The following CFAP44 variants were observed in gnomAD, a reference collection of about 807,000 sequenced individuals.
The protein encoded by CFAP44 is cilia- and flagella-associated protein 44.
In CFAP44, 134 loss-of-function variants were observed where a neutral mutation model predicts 216.2. That is an observed-to-expected ratio of 0.62 (90% CI 0.54 to 0.72). The LOEUF is 0.72. Ranked by LOEUF, CFAP44 falls within the 30% of genes least tolerant of loss-of-function variation. The pLI is 0.00. For synonymous variants in CFAP44, 700 were observed against 727.6 expected, an observed-to-expected ratio of 0.96 and a Z score of 0.61; for missense variants, 2,035 against 2,182.1, an observed-to-expected ratio of 0.93 and a Z score of 1.34.
chr3:113,374,362 C>T (rs1240166851), intron 17 of CFAP44, among the ~76,000 whole-genome samples: 1 of 116,260 alleles, frequency 8.6e-6, no homozygotes, highest in African/African-American at 3.6e-5. Context: ...CTGTCAATTT[C>T]TTTTATTTAT....
intron 15 of CFAP44, among the ~76,000 whole-genome samples, chr3:113,390,581 T>A (rs1330989066): frequency 6.6e-6 from 1 of 152,132 alleles, no homozygotes; most frequent in Non-Finnish European, 1.5e-5. Context: ...TATATGATCT[T>A]ATATTTGGTA....
At chr3:113,435,858 C>CGT (rs59468932) in intron 1 of CFAP44, among the ~76,000 whole-genome samples, 2,832 of 147,838 alleles carry the variant, frequency 0.019, 64 homozygotes, top group Admixed American at 0.048. Flanking sequence ...AGTGTATGTA[C>CGT]GTGTGTGTGT....
At position 113,296,964 on chromosome 3, in the gene CFAP44, TA is replaced by T. The variant is rs1415634611; in HGVS notation, c.5078-80del. 3 of 1,456,704 alleles carry T rather than the reference TA, an allele frequency of 2.1e-6. No individual in the cohort carries two copies. In the African/African-American group the frequency reaches 4.2e-5, roughly 20 times the overall value. 90.2% of individuals were successfully genotyped at this position (1,456,704 alleles called of 1,614,324 possible). ...ATGAACACCAGGAACAATAACATTC[TA>T]AGGAACTGCTTTTGCAAGATGATGA... On this transcript the variant is annotated intron_variant, in intron 32 of 34. Coordinates refer to ENST00000393845, the MANE Select transcript of CFAP44 (RefSeq NM_001164496.2).
intron 32 of CFAP44, among the ~76,000 whole-genome samples, chr3:113,303,196 T>C (rs572861315): frequency 6.6e-6 from 1 of 152,296 alleles, no homozygotes; most frequent in Admixed American, 6.5e-5. Context: ...GAGCTGAAAA[T>C]GTACATATCC....
At chr3:113,384,039 T>C (rs1933583630) in intron 15 of CFAP44, among the ~76,000 whole-genome samples, 1 of 151,966 alleles carries the variant, frequency 6.6e-6, no homozygotes, top group Non-Finnish European at 1.5e-5. Context: ...CTGAGAATGA[T>C]GATTTCCAAA....
In CFAP44 at chr3:113,304,042, G is replaced by A. The variant is rs185086524; in HGVS notation, c.4951C>T (p.Arg1651Trp). The A allele has an allele frequency of 2.8e-3, 4,306 of 1,537,208 alleles. 6 individuals carry two copies. The highest frequency in any genetic ancestry group is 3.2e-3 in the Non-Finnish European group (3,620 of 1,146,916). The change falls in exon 32 of 35, where the codon CGG (arginine) becomes TGG (tryptophan). Residue 1651 changes from arginine to tryptophan, a missense_variant. Around this residue, in one of 3 missense-constraint regions of CFAP44, gnomAD observed 1,883 missense variants for 2,023.7 expected, o/e 0.93. Coordinates refer to ENST00000393845, the MANE Select transcript of CFAP44 (RefSeq NM_001164496.2). ...AGCTCATGGATTCGTTCTTGCAGCC[G>A]TCTCAAGGCATGGTTAGAGAAGACC... is the stretch of plus-strand genomic sequence containing the variant. ...TLVFSNHALR[R>W]LQERIHELQE...
chr3:113,348,481 C>T (rs1950410727), intron 22 of CFAP44, among the ~76,000 whole-genome samples: 1 of 152,160 alleles, frequency 6.6e-6, no homozygotes, highest in Admixed American at 6.5e-5. Context: ...AGTGAAATAC[C>T]TTATCTCCAA....
At chr3:113,389,054 C>T (rs910675420) in intron 15 of CFAP44, among the ~76,000 whole-genome samples, 1 of 152,140 alleles carries the variant, frequency 6.6e-6, no homozygotes, top group Non-Finnish European at 1.5e-5. Context: ...AACTTTTTAT[C>T]CAATGGCTGC....
intron 13 of CFAP44, chr3:113,397,319 T>C (rs374868241): frequency 2.0e-5 from 3 of 152,912 alleles, no homozygotes; most frequent in South Asian, 4.1e-4. Context: ...GAAAAAGTTA[T>C]AGTCTGACTA....
intron 19 of CFAP44, among the ~76,000 whole-genome samples, chr3:113,365,113 C>T (rs1280447296): frequency 6.6e-6 from 1 of 152,072 alleles, no homozygotes; most frequent in Admixed American, 6.5e-5. Context: ...GTGGAATAAA[C>T]ATTTTTCTAT....
chr3:113,312,908 T>C lies in CFAP44; in HGVS notation c.4517-4640A>G, dbSNP rs573421624. 3.3e-5 allele frequency among the ~76,000 whole-genome samples: 5 copies of C among 152,226 alleles called. No individual in the cohort carries two copies. In the South Asian group the frequency reaches 1.0e-3, roughly 32 times the overall value. ...AAATGCCTGGATACCCAGGCAGAAG[T>C]TTGCTGCAGGGGTGGGGCACTCATG... On this transcript the variant is annotated intron_variant, in intron 28 of 34. Transcript: ENST00000393845.
intron 28 of CFAP44, among the ~76,000 whole-genome samples, chr3:113,323,084 A>G (rs1232998438): frequency 2.0e-5 from 3 of 152,332 alleles, no homozygotes; most frequent in Non-Finnish European, 4.4e-5. Flanking sequence ...CCATGATTCA[A>G]TTACCTCCAA....
chr3:113,417,436 C>G (rs1371839309), intron 5 of CFAP44: 2 of 151,778 alleles, frequency 1.3e-5, no homozygotes, highest in East Asian at 3.9e-4. Flanking sequence ...TATTGGTAAG[C>G]CAAATGTGTA....
rs1210492710 is a variant in CFAP44, at chr3:113,330,565, T to G, written c.3719A>C (p.Asn1240Thr). The G allele has an allele frequency of 6.5e-7, 1 of 1,537,116 alleles. No individual in the cohort carries two copies. Among genetic ancestry groups the G allele is most frequent in the Non-Finnish European group, 8.7e-7 (1 of 1,146,874 alleles). The stretch of plus-strand genomic sequence containing the variant: ...GGATATGTGAAGAGTCGACTGAATG[T>G]TCTTCAGTTCTTGTACCAGGCACTG... ...EIQCLVQELK[N>T]IQSTLHISKH... The change falls in exon 26 of 35, where the codon AAC (asparagine) becomes ACC (threonine). Residue 1240 changes from asparagine to threonine, a missense_variant. Asn to Thr is a moderately conservative substitution (Grantham distance 65). Transcript: ENST00000393845.
intron 15 of CFAP44, among the ~76,000 whole-genome samples, chr3:113,388,758 A>C (rs1345208650): frequency 6.6e-6 from 1 of 152,252 alleles, no homozygotes; most frequent in African/African-American, 2.4e-5. Flanking sequence ...ACATCAGACA[A>C]AAATAGATTT....
chr3:113,420,904 T>C (rs1385497801), intron 4 of CFAP44, among the ~76,000 whole-genome samples: 2 of 152,148 alleles, frequency 1.3e-5, no homozygotes, highest in African/African-American at 4.8e-5. Context: ...TTAGTATATG[T>C]ATTGGTGTGT....
intron 34 of CFAP44, among the ~76,000 whole-genome samples, chr3:113,292,782 C>T (rs1268782615): frequency 1.3e-5 from 2 of 152,266 alleles, no homozygotes; most frequent in African/African-American, 2.4e-5. Flanking sequence ...TCTGCCTCTT[C>T]TCCCTTGCTC....
chr3:113,434,384 G>A (rs1935185834), intron 1 of CFAP44: 1 of 152,180 alleles, frequency 6.6e-6, no homozygotes, highest in African/African-American at 2.4e-5. Flanking sequence ...GCTGCAAGCA[G>A]TCTATTGGCC....
At chr3:113,294,300 G>A (rs1319358598) in intron 34 of CFAP44, 3 of 289,476 alleles carry the variant, frequency 1.0e-5, no homozygotes, top group Non-Finnish European at 2.0e-5. Context: ...AGAAAACAGG[G>A]TAGATTTCAC....
Sources: allele counts gnomAD v4.1 joint callset (sites outside exome capture counted in the v4.1 genomes callset), GRCh38; gene constraint gnomAD v4.1.1; regional missense constraint gnomAD v4.1.1; transcripts MANE v1.5; gene names NCBI Gene and HGNC (gene_info 2026-07-23, HGNC 2026-07-21).